C19orf44: variants seen among roughly 807,000 people sequenced by gnomAD.
C19orf44 encodes the protein uncharacterized protein C19orf44.
In C19orf44, 43 loss-of-function variants were observed where a neutral mutation model predicts 50.7. The ratio of observed to expected loss-of-function variants is 0.85; its 90% CI spans 0.66 to 1.09. The LOEUF is 1.09. Ranked by LOEUF, C19orf44 falls within the 50% of genes least tolerant of loss-of-function variation. The pLI is 0.00. For missense variants in C19orf44, 722 were observed against 836.2 expected (o/e 0.86, Z 1.68); for synonymous variants, 298 against 334.7 (o/e 0.89, Z 1.20).
intron 2 of C19orf44, among the ~76,000 whole-genome samples, chr19:16,502,319 C>T (rs1008367128): frequency 2.1e-5 from 3 of 144,338 alleles, no homozygotes; most frequent in Non-Finnish European, 3.0e-5. Context: ...CTCACTGCAA[C>T]TTCTGCCTCC....
Position 16,520,772 on chromosome 19 carries a change from A to G in C19orf44, c.*719A>G. ...GTGTATCTGGGGTCTGCTCCCACCC[A>G]TCACAAGCTGTGGACCCTGGCCCCC... is the stretch of plus-strand genomic sequence containing the variant. On this transcript the variant is annotated 3_prime_UTR_variant, in exon 9 of 9. Transcript: ENST00000221671. This position sits in a 1 kb window ranked among gnomAD's most constrained non-coding sequence, Gnocchi z 4.0. 1 of 1,543,040 alleles carries G rather than the reference A, an allele frequency of 6.5e-7. No individual in the cohort carries two copies. Among genetic ancestry groups the G allele is most frequent in the Non-Finnish European group, 8.9e-7 (1 of 1,118,356 alleles).
intron 7 of C19orf44, among the ~76,000 whole-genome samples, chr19:16,516,111 A>G (rs1423291822): frequency 2.0e-5 from 3 of 152,124 alleles, no homozygotes; most frequent in African/African-American, 7.2e-5. Context: ...AACATTTTAC[A>G]TAACAAATTT....
At chr19:16,517,126 G>A (rs1047776539) in intron 7 of C19orf44, 104 bp from the exon 8 acceptor site, 6 of 1,045,664 alleles carry the variant, frequency 5.7e-6, no homozygotes, top group Non-Finnish European at 2.9e-6. Context: ...ACTGACAGGA[G>A]CCTGCTGGGG....
rs2085592639 is a variant in C19orf44, at chr19:16,519,906, C to G, written c.*41-188C>G. 1.5e-6 allele frequency: 1 copy of G among 665,934 alleles called. No homozygotes were observed. The highest frequency in any genetic ancestry group is 2.6e-6 in the Non-Finnish European group (1 of 382,802). The allele number at this position is 665,934 out of a possible 1,614,324, so 41.3% of individuals were successfully genotyped here. ...AGGGGGCTCCAGACGCTGGCCCCCA[C>G]CCCACGCTCAGCATTGAGAGCAGGA... On this transcript the variant is annotated intron_variant, in intron 8 of 8. Coordinates refer to ENST00000221671, the MANE Select transcript of C19orf44 (RefSeq NM_032207.4). The surrounding 1 kb of genome is among the most constrained non-coding windows in gnomAD (Gnocchi z 6.0).
chr19:16,501,407 T>G lies in C19orf44; in HGVS notation c.615T>G (p.Ala205=). The G allele has an allele frequency of 6.2e-7, 1 of 1,613,886 alleles. No homozygotes were observed. Among genetic ancestry groups the G allele is most frequent in the Non-Finnish European group, 8.5e-7 (1 of 1,179,954 alleles). Reference sequence around the variant, plus strand: ...AAACCCCCAAACAGAAAGAACCTGCTAGAACATTTGATTCTCCAGACAGTG... The same window carrying G: ...AAACCCCCAAACAGAAAGAACCTGCGAGAACATTTGATTCTCCAGACAGTG... The part of the protein sequence containing the change: ...TLQTPKQKEP[A]RTFDSPDSDE... Residue 205 remains alanine (A), a synonymous_variant, in exon 2 of 9, where the codon GCT becomes GCG. Coordinates refer to ENST00000221671, the MANE Select transcript of C19orf44 (RefSeq NM_032207.4).
In C19orf44 at chr19:16,509,102, G is replaced by A. The variant is rs1342622988; in HGVS notation, c.1150-397G>A. ...CCCAAAGTGCTGGGATTATAGGCAT[G>A]AGCCACTGTGCCCGGCTGAAAATTT... On this transcript the variant is annotated intron_variant, in intron 4 of 8. Transcript: ENST00000221671. 2.0e-5 allele frequency among the ~76,000 whole-genome samples: 3 copies of A among 151,640 alleles called. No homozygotes were observed. The South Asian group carries it at 6.3e-4, about 32-fold the overall frequency.
At chr19:16,502,430 G>A (rs189162648) in intron 2 of C19orf44, among the ~76,000 whole-genome samples, 2 of 151,294 alleles carry the variant, frequency 1.3e-5, no homozygotes. Context: ...TAGAGATGGG[G>A]TTTCATCCTG....
Position 16,520,200 on chromosome 19 carries a change from G to A in C19orf44, c.*147G>A. On this transcript the variant is annotated 3_prime_UTR_variant, in exon 9 of 9. Coordinates refer to ENST00000221671, the MANE Select transcript of C19orf44 (RefSeq NM_032207.4). This position sits in a 1 kb window ranked among gnomAD's most constrained non-coding sequence, Gnocchi z 4.0. ...CCGGCGTCTTCTTCCTGGGGAGTACGACTTGGACCGGGACCGCGACTGGGA... is the reference window on the plus strand; with the variant it reads ...CCGGCGTCTTCTTCCTGGGGAGTACAACTTGGACCGGGACCGCGACTGGGA... 1.2e-6 allele frequency: 2 copies of A among 1,613,388 alleles called. No homozygotes were observed. The highest frequency in any genetic ancestry group is 1.1e-5 in the South Asian group (1 of 91,078).
chr19:16,519,560 G>C lies in C19orf44; in HGVS notation c.*41-534G>C. The C allele has an allele frequency of 2.8e-6, 4 of 1,452,634 alleles. No homozygotes were observed. Among genetic ancestry groups the C allele is most frequent in the Non-Finnish European group, 3.9e-6 (4 of 1,035,172 alleles). 90.0% of individuals were successfully genotyped at this position (1,452,634 alleles called of 1,614,324 possible). A position where few individuals can be genotyped will look rare whatever the true frequency, so the allele number is the denominator to read the frequency against. On this transcript the variant is annotated intron_variant, in intron 8 of 8. Coordinates refer to ENST00000221671, the MANE Select transcript of C19orf44 (RefSeq NM_032207.4). The surrounding 1 kb of genome is among the most constrained non-coding windows in gnomAD (Gnocchi z 6.0). The stretch of plus-strand genomic sequence containing the variant: ...GCACTGAGGAAGAGAAAGCGCTGGT[G>C]ACTCCCGGGCCCAGCACGCGTGAGG...
At position 16,520,199 on chromosome 19, in the gene C19orf44, C is replaced by T. The variant is rs199951473; in HGVS notation, c.*146C>T. 1.3e-5 allele frequency: 21 copies of T among 1,613,274 alleles called. No individual in the cohort carries two copies. Among genetic ancestry groups the T allele is most frequent in the African/African-American group, 6.7e-5 (5 of 75,022 alleles). ...ACCGGCGTCTTCTTCCTGGGGAGTA[C>T]GACTTGGACCGGGACCGCGACTGGG... On this transcript the variant is annotated 3_prime_UTR_variant, in exon 9 of 9. Transcript: ENST00000221671. The surrounding 1 kb of genome is among the most constrained non-coding windows in gnomAD (Gnocchi z 4.0).
chr19:16,513,205 C>A, intron 6 of C19orf44, 96 bp downstream of exon 6: 1 of 1,237,530 alleles, frequency 8.1e-7, no homozygotes, highest in South Asian at 1.3e-5. Flanking sequence ...GCACCCCTTG[C>A]ATGCTGGCTT....
intron 7 of C19orf44, among the ~76,000 whole-genome samples, chr19:16,516,789 T>C (rs2093473668): frequency 1.3e-5 from 2 of 152,182 alleles, no homozygotes; most frequent in African/African-American, 2.4e-5. Context: ...AGAGGGCAGG[T>C]TGTGAGTCCC....
chr19:16,508,709 TA>T (rs2093447453), intron 4 of C19orf44, among the ~76,000 whole-genome samples: 4 of 152,232 alleles, frequency 2.6e-5, no homozygotes, highest in African/African-American at 7.2e-5. Context: ...ATTTTTAAAA[TA>T]TTTTTTTTCT....
chr19:16,510,789 A>G (rs1298006562), intron 5 of C19orf44, among the ~76,000 whole-genome samples: 1 of 152,004 alleles, frequency 6.6e-6, no homozygotes, highest in Non-Finnish European at 1.5e-5. Flanking sequence ...AAGCTGGAGT[A>G]CAGTGACCCA....
Position 16,521,070 on chromosome 19 carries a change from C to T in C19orf44, c.*1017C>T. 1 of 672,268 alleles carries T rather than the reference C, an allele frequency of 1.5e-6. No homozygotes were observed. The highest frequency in any genetic ancestry group is 1.8e-5 in the African/African-American group (1 of 56,670). 41.6% of individuals were successfully genotyped at this position (672,268 alleles called of 1,614,324 possible). ...CGCAGTAGAGCTTGGTTCAGTGTTC[C>T]CACAGGGCTGTCCTCCTGCAGCCCA... On this transcript the variant is annotated 3_prime_UTR_variant, in exon 9 of 9. Coordinates refer to ENST00000221671, the MANE Select transcript of C19orf44 (RefSeq NM_032207.4).
chr19:16,496,573 A>AT (rs974229904), intron 1 of C19orf44, 108 bp downstream of exon 1: 1 of 257,198 alleles, frequency 3.9e-6, no homozygotes, highest in Non-Finnish European at 7.8e-6. Flanking sequence ...CCGCTGCAGG[A>AT]TGGTCCCGCG....
chr19:16,515,913 C>T (rs2093470258), intron 7 of C19orf44, among the ~76,000 whole-genome samples: 1 of 152,036 alleles, frequency 6.6e-6, no homozygotes, highest in African/African-American at 2.4e-5. Context: ...TCTCTTACCT[C>T]ACCTTCCTGA....
chr19:16,516,578 T>TA (rs2093472954), intron 7 of C19orf44, among the ~76,000 whole-genome samples: 1 of 152,202 alleles, frequency 6.6e-6, no homozygotes, highest in Non-Finnish European at 1.5e-5. Context: ...TTGAGCCTCT[T>TA]AATCTAGAGC....
intron 6 of C19orf44, among the ~76,000 whole-genome samples, chr19:16,514,265 C>T (rs2093465400): frequency 6.6e-6 from 1 of 151,872 alleles, no homozygotes; most frequent in Non-Finnish European, 1.5e-5. Flanking sequence ...CTCAGCCTTC[C>T]AAAGTGCTAG....
Sources: allele counts gnomAD v4.1 joint callset (sites outside exome capture counted in the v4.1 genomes callset), GRCh38; gene constraint gnomAD v4.1.1; non-coding constraint Gnocchi (gnomAD v3.1); transcripts MANE v1.5; gene names NCBI Gene and HGNC (gene_info 2026-07-23, HGNC 2026-07-21).